The following PCDHA2 variants were observed in gnomAD, a reference collection of about 807,000 sequenced individuals.
PCDHA2 encodes the protein protocadherin alpha-2.
PCDHA2 carries 58 observed loss-of-function variants against 66.0 expected under a neutral mutation model. The ratio of observed to expected loss-of-function variants is 0.88; its 90% CI spans 0.71 to 1.09. The LOEUF is 1.09. Among genes scored for constraint, PCDHA2 ranks in the 50% least tolerant of loss-of-function variants. PCDHA2 has a pLI of 0.00. For missense variants in PCDHA2, 1,267 were observed against 1,242.3 expected, an observed-to-expected ratio of 1.02 and a Z score of -0.30; for synonymous variants, 634 against 554.0, an observed-to-expected ratio of 1.14 and a Z score of -2.03.
At chr5:140,941,221 T>TTCTTTCTTTCTTTCTTTCTC (rs1563186510) in intron 1 of PCDHA2, among the ~76,000 whole-genome samples, 1 of 131,536 alleles carries the variant, frequency 7.6e-6, no homozygotes, top group Admixed American at 7.9e-5. Context: ...CTTCCTTTCT[T>TTCTTTCTTTCTTTCTTTCTC]TCTTTCTTTC....
rs782779617 is a variant in PCDHA2 at position 140,857,239 on chromosome 5, G to C, written c.2388+59887G>C. On this transcript the variant is annotated intron_variant, in intron 1 of 3. Coordinates refer to ENST00000526136, the MANE Select transcript of PCDHA2 (RefSeq NM_018905.3). ...CGCCTCACGTTCCGTTCAAGCTGGT[G>C]TCCACCTACAAGAATTACTACTCAT... is the stretch of plus-strand genomic sequence containing the variant. The C allele has an allele frequency of 6.9e-6, 11 of 1,598,550 alleles. 2 individuals carry two copies. The highest frequency in any genetic ancestry group is 7.7e-6 in the Non-Finnish European group (9 of 1,167,946).
intron 1 of PCDHA2, chr5:140,810,657 T>A (rs1334906011): frequency 7.1e-6 from 1 of 140,010 alleles, no homozygotes; most frequent in Non-Finnish European, 1.5e-5. Context: ...CTCTAGTCTG[T>A]TGTTTTTCTT....
intron 1 of PCDHA2, chr5:140,843,375 G>A: frequency 1.3e-6 from 2 of 1,596,166 alleles, no homozygotes; most frequent in Non-Finnish European, 1.7e-6. Flanking sequence ...CAGTCGGCTG[G>A]CGTTTTGGGT....
chr5:140,834,112 T>C, intron 1 of PCDHA2: 1 of 411,244 alleles, frequency 2.4e-6, no homozygotes. Flanking sequence ...AATTCAGAGT[T>C]TGAAATAAAA....
chr5:140,804,869 T>A (rs1763474292), intron 1 of PCDHA2: 1 of 569,386 alleles, frequency 1.8e-6, no homozygotes, highest in Admixed American at 3.8e-5. Flanking sequence ...AAAATAGATA[T>A]TTTTCTTGAC....
intron 1 of PCDHA2, chr5:140,871,155 C>A (rs782509939): frequency 3.0e-5 from 48 of 1,613,366 alleles, no homozygotes; most frequent in Non-Finnish European, 3.9e-5. Context: ...CTTTGGCGGG[C>A]GCCGCGAGCC....
chr5:140,905,882 A>G (rs1213836068), intron 1 of PCDHA2, among the ~76,000 whole-genome samples: 1 of 152,192 alleles, frequency 6.6e-6, no homozygotes, highest in Admixed American at 6.5e-5. Context: ...GCCCAACAAT[A>G]GGCCATCTGC....
chr5:140,835,941 CT>C (rs2150248742), intron 1 of PCDHA2: 13 of 1,612,538 alleles, frequency 8.1e-6, no homozygotes, highest in Non-Finnish European at 1.1e-5. Flanking sequence ...GGTGTACGCG[CT>C]GCAGCCGTTG....
At position 141,011,492 on chromosome 5, in the gene PCDHA2, A is replaced by T. The variant is rs2098420803; in HGVS notation, c.*1555A>T. On this transcript the variant is annotated 3_prime_UTR_variant, in exon 4 of 4. Coordinates refer to ENST00000526136, the MANE Select transcript of PCDHA2 (RefSeq NM_018905.3). ...AATTCCATTATATTTCCTTTTGTAC[A>T]CCTGTGAAAAAGTGGAGTAGTGTTT... The T allele has an allele frequency of 1.3e-5, 2 of 153,698 alleles. No individual in the cohort carries two copies. The highest frequency in any genetic ancestry group is 2.9e-5 in the Non-Finnish European group (2 of 68,026). 9.5% of individuals were successfully genotyped at this position (153,698 alleles called of 1,614,324 possible).
chr5:140,865,854 C>T (rs1029695094), intron 1 of PCDHA2: 1 of 152,144 alleles, frequency 6.6e-6, no homozygotes, highest in Non-Finnish European at 1.5e-5. Context: ...TTTCTCTGCT[C>T]AAACATGGTC....
chr5:140,881,230 G>A (rs1467821983), intron 1 of PCDHA2: 2 of 301,850 alleles, frequency 6.6e-6, no homozygotes, highest in Non-Finnish European at 9.8e-6. Flanking sequence ...GAAAATTAAA[G>A]TCAATTTAAA....
chr5:140,966,792 C>A (rs1182470326), intron 1 of PCDHA2: 3 of 1,530,564 alleles, frequency 2.0e-6, no homozygotes, highest in Admixed American at 1.9e-5. Context: ...ACCAGACCTG[C>A]GGCGACAGAG....
intron 3 of PCDHA2, among the ~76,000 whole-genome samples, chr5:140,989,486 A>G (rs1563557204): frequency 6.6e-6 from 1 of 152,190 alleles, no homozygotes; most frequent in African/African-American, 2.4e-5. Context: ...AGGTGCTTGA[A>G]CAAGAAAGAC....
chr5:140,994,142 G>A (rs550428204), intron 3 of PCDHA2, among the ~76,000 whole-genome samples: 21 of 152,298 alleles, frequency 1.4e-4, no homozygotes, highest in South Asian at 4.1e-4. Context: ...AATGCCCTAC[G>A]TAGGTAGGGT....
At chr5:140,839,763 C>A (rs1052190502) in intron 1 of PCDHA2, among the ~76,000 whole-genome samples, 1 of 151,896 alleles carries the variant, frequency 6.6e-6, no homozygotes, top group Non-Finnish European at 1.5e-5. Flanking sequence ...ATTTAACCTA[C>A]GTTTTTGGTA....
chr5:140,882,263 T>G (rs1554173290), intron 1 of PCDHA2: 3 of 1,604,900 alleles, frequency 1.9e-6, no homozygotes. Context: ...GTTTTTGGAG[T>G]GTACCATGCT....
chr5:140,902,201 T>C (rs1554190261), intron 1 of PCDHA2, among the ~76,000 whole-genome samples: 1 of 145,052 alleles, frequency 6.9e-6, no homozygotes. Flanking sequence ...CTCTCTCTCT[T>C]TCTTTTTTTT....
intron 1 of PCDHA2, chr5:140,858,898 G>A (rs1260279768): frequency 4.9e-6 from 1 of 204,806 alleles, no homozygotes; most frequent in East Asian, 1.4e-4. Context: ...AATATGTGTA[G>A]CGTACCACAG....
chr5:140,987,244 A>T (rs1184597193), intron 3 of PCDHA2, among the ~76,000 whole-genome samples: 1 of 152,018 alleles, frequency 6.6e-6, no homozygotes, highest in Non-Finnish European at 1.5e-5. Context: ...ATAAAGAAAG[A>T]AAGACATTCT....
Sources: gnomAD v4.1 joint callset for allele counts (sites outside exome capture counted in the v4.1 genomes callset) on GRCh38, gnomAD v4.1.1 for gene constraint, MANE v1.5 for transcripts, NCBI Gene and HGNC (gene_info 2026-07-23, HGNC 2026-07-21) for gene names.